ACTR1B: variants seen among roughly 807,000 people sequenced by gnomAD.
The protein encoded by ACTR1B is actin related protein 1B.
In ACTR1B, 34 loss-of-function variants were observed where a neutral mutation model predicts 49.4. That is an observed-to-expected ratio of 0.69 (90% CI 0.52 to 0.92). The LOEUF (loss-of-function observed/expected upper bound fraction) is 0.92. Among genes scored for constraint, ACTR1B ranks in the 40% least tolerant of loss-of-function variants. The pLI, the probability that ACTR1B is intolerant of heterozygous loss-of-function variation, is 0.00. For synonymous variants in ACTR1B, 207 were observed against 207.8 expected (o/e 1.00, Z 0.03); for missense variants, 471 against 522.4 (o/e 0.90, Z 0.96).
rs200965492 is a variant in ACTR1B, at chr2:97,658,548, G to A, written c.536C>T (p.Ser179Phe). The A allele has an allele frequency of 6.2e-7, 1 of 1,614,088 alleles. No individual in the cohort carries two copies. Among genetic ancestry groups the A allele is most frequent in the South Asian group, 1.1e-5 (1 of 91,070 alleles). Reference sequence around the variant, plus strand: ...GCCGGCAATGTCCACCCGCATGATGGAGTGAGGCATGGCAAAGCCCTCATA... The same window carrying A: ...GCCGGCAATGTCCACCCGCATGATGAAGTGAGGCATGGCAAAGCCCTCATA... ...PIYEGFAMPH[S>F]IMRVDIAGRD... Residue 179 changes from serine (S) to phenylalanine (F), a missense_variant, in exon 6 of 11, where the codon TCC becomes TTC. Physicochemically the swap from Ser to Phe is radical, Grantham distance 155. Coordinates refer to ENST00000289228, the MANE Select transcript of ACTR1B (RefSeq NM_005735.4). The surrounding 1 kb of genome is among the most constrained non-coding windows in gnomAD (Gnocchi z 5.9).
chr2:97,658,993 A>T lies in ACTR1B; in HGVS notation c.326T>A (p.Leu109His), dbSNP rs148249069. 6.2e-7 allele frequency: 1 copy of T among 1,613,982 alleles called. No homozygotes were observed. Among genetic ancestry groups the T allele is most frequent in the African/African-American group, 1.3e-5 (1 of 74,914 alleles). Reference protein sequence around the residue: ...LQTFSEEHPVLLTEAPLNPSK... With the variant: ...LQTFSEEHPVHLTEAPLNPSK... ...CGGGTTGAGCGGGGCCTCCGTGAGG[A>T]GCACAGGATGCTGCGAGGGACGGGA... Residue 109 changes from leucine (L) to histidine (H), a missense_variant, in exon 5 of 11, where the codon CTC becomes CAC. Transcript: ENST00000289228. This position sits in a 1 kb window ranked among gnomAD's most constrained non-coding sequence, Gnocchi z 5.9.
intron 1 of ACTR1B, among the ~76,000 whole-genome samples, chr2:97,663,049 C>T (rs372471470): frequency 5.9e-5 from 9 of 152,306 alleles, no homozygotes; most frequent in African/African-American, 2.2e-4. Flanking sequence ...ACCGGACGCA[C>T]ATACCCAGCT....
At position 97,656,871 on chromosome 2, in the gene ACTR1B, C is replaced by T. The variant is rs780834904; in HGVS notation, c.1118G>A (p.Arg373His). 4 of 1,584,012 alleles carry T rather than the reference C, an allele frequency of 2.5e-6. No individual in the cohort carries two copies. The highest frequency in any genetic ancestry group is 2.3e-5 in the East Asian group (1 of 44,116). ...YEEDGSRAIH[R>H]KTF Reference sequence around the variant, plus strand: ...CCTCCTTGGGCACTAGAAAGTTTTGCGATGAATAGCACGGGAGCCATCCTC... The same window carrying T: ...CCTCCTTGGGCACTAGAAAGTTTTGTGATGAATAGCACGGGAGCCATCCTC... Residue 373 changes from arginine (R) to histidine (H), a missense_variant, in exon 11 of 11, where the codon CGC becomes CAC. By Grantham distance (29) the Arg-to-His change is conservative (BLOSUM62 0). Transcript: ENST00000289228.
At position 97,659,769 on chromosome 2, in the gene ACTR1B, C is replaced by T; in HGVS notation, c.190-292G>A. ...GCTCTCTTCTTCCCCATTCTCACTG[C>T]CGGCACATCCCCCACATTCTCCTCA... On this transcript the variant is annotated intron_variant, in intron 3 of 10. Transcript: ENST00000289228. The surrounding 1 kb of genome is among the most constrained non-coding windows in gnomAD (Gnocchi z 4.0). 4.2e-6 allele frequency: 2 copies of T among 478,174 alleles called. No individual in the cohort carries two copies. The highest frequency in any genetic ancestry group is 7.6e-6 in the Non-Finnish European group (2 of 264,680). The allele number at this position is 478,174 out of a possible 1,614,324, so 29.6% of individuals were successfully genotyped here. A position where few individuals can be genotyped will look rare whatever the true frequency, so the allele number is the denominator to read the frequency against.
chr2:97,658,257 C>T lies in ACTR1B; in HGVS notation c.717G>A (p.Val239=). 2 of 1,614,208 alleles carry T rather than the reference C, an allele frequency of 1.2e-6. No individual in the cohort carries two copies. Among genetic ancestry groups the T allele is most frequent in the Non-Finnish European group, 1.7e-6 (2 of 1,180,042 alleles). ...QKDEALETEK[V]QYTLPDGSTL... is the part of the protein sequence containing the mutation. ...TGCTGCCGTCTGGCAACGTGTACTGCACCTTCTCCGTCTCCAGAGCCTCAT... is the reference window on the plus strand; with the variant it reads ...TGCTGCCGTCTGGCAACGTGTACTGTACCTTCTCCGTCTCCAGAGCCTCAT... The change falls in exon 7 of 11, where the codon GTG becomes GTA. Residue 239 remains valine, a synonymous_variant. Transcript: ENST00000289228. The surrounding 1 kb of genome is among the most constrained non-coding windows in gnomAD (Gnocchi z 5.9).
Position 97,656,735 on chromosome 2 carries a change from C to A in ACTR1B, c.*123G>T. ...TGCAGGGGGGCACTGCTGTGCCACC[C>A]ACCCAGGGGTTCAGGGCATGCAGGG... On this transcript the variant is annotated 3_prime_UTR_variant, in exon 11 of 11. Coordinates refer to ENST00000289228, the MANE Select transcript of ACTR1B (RefSeq NM_005735.4). The A allele has an allele frequency of 1.3e-6, 1 of 759,266 alleles. No individual in the cohort carries two copies. Among genetic ancestry groups the A allele is most frequent in the South Asian group, 1.6e-5 (1 of 60,768 alleles). 47.0% of individuals were successfully genotyped at this position (759,266 alleles called of 1,614,324 possible). A position where few individuals can be genotyped will look rare whatever the true frequency, so the allele number is the denominator to read the frequency against.
In ACTR1B at chr2:97,659,288, G is replaced by T; in HGVS notation, c.315+64C>A. 6.2e-7 allele frequency: 1 copy of T among 1,606,224 alleles called. No homozygotes were observed. On this transcript the variant is annotated intron_variant, in intron 4 of 10. Transcript: ENST00000289228. This position sits in a 1 kb window ranked among gnomAD's most constrained non-coding sequence, Gnocchi z 4.0. ...GGAAATGTGGGAGCCCGGCGAGGAG[G>T]GACGCAGAGGAGAGGGGCATGGCCA...
intron 2 of ACTR1B, 130 bp downstream of exon 2, chr2:97,661,752 A>C: frequency 1.2e-6 from 1 of 852,586 alleles, no homozygotes; most frequent in Non-Finnish European, 1.9e-6. Flanking sequence ...AAGAGTGTCA[A>C]CCTCACAAAT....
At chr2:97,660,481 G>T in intron 3 of ACTR1B, 90 bp downstream of exon 3, 1 of 1,319,024 alleles carries the variant, frequency 7.6e-7, no homozygotes, top group African/African-American at 1.5e-5. Flanking sequence ...GAGGTACCCG[G>T]GAGGTCACCA....
At position 97,656,872 on chromosome 2, in the gene ACTR1B, G is replaced by A. The variant is rs367789855; in HGVS notation, c.1117C>T (p.Arg373Cys). 1.1e-5 allele frequency: 18 copies of A among 1,585,302 alleles called. No homozygotes were observed. Among genetic ancestry groups the A allele is most frequent in the African/African-American group, 2.7e-5 (2 of 74,672 alleles). Reference protein sequence around the residue: ...YEEDGSRAIHRKTF With the variant: ...YEEDGSRAIHCKTF ...CTCCTTGGGCACTAGAAAGTTTTGC[G>A]ATGAATAGCACGGGAGCCATCCTCT... Residue 373 changes from arginine to cysteine, a missense_variant, in exon 11 of 11, where the codon CGC becomes TGC. By Grantham distance (180) the Arg-to-Cys change is radical. Coordinates refer to ENST00000289228, the MANE Select transcript of ACTR1B (RefSeq NM_005735.4).
In ACTR1B at chr2:97,658,332, C is replaced by A. The variant is rs1423977417; in HGVS notation, c.658-16G>T. On this transcript the variant is annotated splice_polypyrimidine_tract_variant and intron_variant, in intron 6 of 10. Coordinates refer to ENST00000289228, the MANE Select transcript of ACTR1B (RefSeq NM_005735.4). The surrounding 1 kb of genome is among the most constrained non-coding windows in gnomAD (Gnocchi z 5.9). ...AGCACGCTCGCTGCGGGGACAGGGA[C>A]ACAGCCCTCAGAAGGCTGCACCTGG... is the stretch of plus-strand genomic sequence containing the variant. The A allele has an allele frequency of 6.2e-7, 1 of 1,614,174 alleles. No homozygotes were observed. Among genetic ancestry groups the A allele is most frequent in the South Asian group, 1.1e-5 (1 of 91,082 alleles).
rs900815095 is a variant in ACTR1B at position 97,658,968 on chromosome 2, C to T, written c.351G>A (p.Pro117=). 7 of 1,613,972 alleles carry T rather than the reference C, an allele frequency of 4.3e-6. No homozygotes were observed. Among genetic ancestry groups the T allele is most frequent in the African/African-American group, 1.3e-5 (1 of 74,904 alleles). The change falls in exon 5 of 11, where the codon CCG becomes CCA. Residue 117 remains proline (P), a synonymous_variant. Coordinates refer to ENST00000289228, the MANE Select transcript of ACTR1B (RefSeq NM_005735.4). This position sits in a 1 kb window ranked among gnomAD's most constrained non-coding sequence, Gnocchi z 5.9. ...PVLLTEAPLN[P]SKNREKAAEV... is the part of the protein sequence containing the mutation. The stretch of plus-strand genomic sequence containing the variant: ...CTGCCGCCTTCTCCCGGTTCTTACT[C>T]GGGTTGAGCGGGGCCTCCGTGAGGA...
intron 1 of ACTR1B, among the ~76,000 whole-genome samples, chr2:97,662,612 C>T (rs181811616): frequency 1.6e-4 from 24 of 152,186 alleles, no homozygotes; most frequent in Non-Finnish European, 3.1e-4. Flanking sequence ...CCCCAAAGAA[C>T]GGGGCAATTA....
intron 2 of ACTR1B, among the ~76,000 whole-genome samples, chr2:97,661,263 C>G (rs1675005702): frequency 6.6e-6 from 1 of 152,222 alleles, no homozygotes; most frequent in Non-Finnish European, 1.5e-5. Context: ...TAGCCTGCCA[C>G]TCGGGGCCTA....
Position 97,656,743 on chromosome 2 carries a change from G to C in ACTR1B, c.*115C>G, listed in dbSNP as rs1316575855. 16 of 813,962 alleles carry C rather than the reference G, an allele frequency of 2.0e-5. No individual in the cohort carries two copies. Among genetic ancestry groups the C allele is most frequent in the Non-Finnish European group, 2.0e-6 (1 of 494,034 alleles). 50.4% of individuals were successfully genotyped at this position (813,962 alleles called of 1,614,324 possible). ...GGCACTGCTGTGCCACCCACCCAGG[G>C]GTTCAGGGCATGCAGGGGACCCTAA... is the stretch of plus-strand genomic sequence containing the variant. On this transcript the variant is annotated 3_prime_UTR_variant, in exon 11 of 11. Transcript: ENST00000289228.
Position 97,658,210 on chromosome 2 carries a change from G to T in ACTR1B, c.750+14C>A. Reference sequence around the variant, plus strand: ...GCATCGGCTGCCACTCCAGTGCCAGGCCCGGCCACTTACATCAAGCGTGCT... The same window carrying T: ...GCATCGGCTGCCACTCCAGTGCCAGTCCCGGCCACTTACATCAAGCGTGCT... On this transcript the variant is annotated intron_variant, in intron 7 of 10. Coordinates refer to ENST00000289228, the MANE Select transcript of ACTR1B (RefSeq NM_005735.4). This position sits in a 1 kb window ranked among gnomAD's most constrained non-coding sequence, Gnocchi z 5.9. The T allele has an allele frequency of 6.2e-7, 1 of 1,613,926 alleles. No homozygotes were observed.
At chr2:97,660,120 C>T (rs923579843) in intron 3 of ACTR1B, among the ~76,000 whole-genome samples, 1 of 152,146 alleles carries the variant, frequency 6.6e-6, no homozygotes, top group Non-Finnish European at 1.5e-5. Flanking sequence ...CCCCGGCACC[C>T]GACACAATGC....
intron 2 of ACTR1B, 134 bp from the exon 3 acceptor site, chr2:97,660,780 G>A: frequency 1.2e-6 from 1 of 843,168 alleles, no homozygotes; most frequent in Non-Finnish European, 1.9e-6. Context: ...GGGGGGCACA[G>A]GTTGGAACTG....
chr2:97,661,680 G>A (rs1025880350), intron 2 of ACTR1B, among the ~76,000 whole-genome samples: 4 of 152,170 alleles, frequency 2.6e-5, no homozygotes, highest in Non-Finnish European at 4.4e-5. Context: ...AGACCAAAAC[G>A]AGAGACTCCC....
Sources: gnomAD v4.1 joint callset for allele counts (sites outside exome capture counted in the v4.1 genomes callset) on GRCh38, gnomAD v4.1.1 for gene constraint, Gnocchi (gnomAD v3.1) non-coding constraint, MANE v1.5 for transcripts, NCBI Gene and HGNC (gene_info 2026-07-23, HGNC 2026-07-21) for gene names.